The following ATG5 variants were observed in gnomAD, a reference collection of about 807,000 sequenced individuals.
ATG5 encodes autophagy protein 5.
Under a neutral mutation model 36.5 loss-of-function variants are expected in ATG5, and 14 were observed. The observed-to-expected ratio is 0.38, with a 90% CI of 0.25 to 0.60. The LOEUF (loss-of-function observed/expected upper bound fraction) is 0.60, where lower values mean the gene tolerates loss of function less well. Ranked by LOEUF, ATG5 falls within the 20% of genes least tolerant of loss-of-function variation. ATG5 has a pLI of 0.60. For synonymous variants in ATG5, 95 were observed against 101.5 expected (o/e 0.94, Z 0.38); for missense variants, 195 against 326.7 (o/e 0.60, Z 3.11).
At position 106,186,327 on chromosome 6, in the gene ATG5, G is replaced by A; in HGVS notation, c.*213C>T. 1.9e-6 allele frequency: 1 copy of A among 521,860 alleles called. No individual in the cohort carries two copies. The highest frequency in any genetic ancestry group is 3.4e-6 in the Non-Finnish European group (1 of 297,692). The allele number at this position is 521,860 out of a possible 1,614,324, so 32.3% of individuals were successfully genotyped here. ...GGTAAGTCTTTCATGTCACAGCTGA[G>A]GTTTAATGATGGCAGTGGAGGAAAG... is the stretch of plus-strand genomic sequence containing the variant. On this transcript the variant is annotated 3_prime_UTR_variant, in exon 8 of 8. Coordinates refer to ENST00000369076, the MANE Select transcript of ATG5 (RefSeq NM_004849.4).
At chr6:106,225,544 A>G (rs775489604) in intron 6 of ATG5, among the ~76,000 whole-genome samples, 5 of 152,158 alleles carry the variant, frequency 3.3e-5, no homozygotes, top group Non-Finnish European at 7.4e-5. Flanking sequence ...AAATCCATTT[A>G]TCCAAACTTG....
At chr6:106,287,632 T>G (rs1236195535) in intron 4 of ATG5, among the ~76,000 whole-genome samples, 3 of 152,228 alleles carry the variant, frequency 2.0e-5, no homozygotes, top group Non-Finnish European at 4.4e-5. Context: ...TTTATAGGAT[T>G]TGTTTACTCT....
At chr6:106,241,836 G>T (rs928700950) in intron 6 of ATG5, among the ~76,000 whole-genome samples, 15 of 152,098 alleles carry the variant, frequency 9.9e-5, no homozygotes, top group Non-Finnish European at 2.1e-4. Flanking sequence ...TGAGTCCAGG[G>T]TCTGATGAGG....
chr6:106,303,500 G>A (rs1217946563), intron 3 of ATG5, among the ~76,000 whole-genome samples: 2 of 152,010 alleles, frequency 1.3e-5, no homozygotes, highest in Non-Finnish European at 2.9e-5. Flanking sequence ...AGAATTGACA[G>A]CATTTTTACA....
At chr6:106,322,525 C>CA (rs1771124219) in intron 1 of ATG5, among the ~76,000 whole-genome samples, 1 of 152,176 alleles carries the variant, frequency 6.6e-6, no homozygotes, top group South Asian at 2.1e-4. Context: ...TCTCCTCCCT[C>CA]AAATGTTCAC....
At chr6:106,318,233 T>C (rs1770932750) in intron 1 of ATG5, among the ~76,000 whole-genome samples, 1 of 152,158 alleles carries the variant, frequency 6.6e-6, no homozygotes, top group South Asian at 2.1e-4. Flanking sequence ...CCACTTGACA[T>C]GTTTATTAAT....
chr6:106,234,475 C>T (rs969039556), intron 6 of ATG5, among the ~76,000 whole-genome samples: 1 of 152,192 alleles, frequency 6.6e-6, no homozygotes, highest in African/African-American at 2.4e-5. Context: ...CAAACCTCAC[C>T]TGTGTAAAAT....
At position 106,297,965 on chromosome 6, in the gene ATG5, A is replaced by ATT. The variant is rs34194209; in HGVS notation, c.237-4861_237-4860dup. 5.9e-3 allele frequency among the ~76,000 whole-genome samples: 792 copies of ATT among 134,624 alleles called. 4 individuals carry two copies. The highest frequency in any genetic ancestry group is 0.019 in the African/African-American group (680 of 36,626). 88.3% of individuals were successfully genotyped at this position (134,624 alleles called of 152,430 possible). On this transcript the variant is annotated intron_variant, in intron 3 of 7. Transcript: ENST00000369076. Reference sequence around the variant, plus strand: ...ACAGAGGGAGACCCTGTCAAAATCTATTTTTTTTTTTTTTTTTGAGACAGA... The same window carrying ATT: ...ACAGAGGGAGACCCTGTCAAAATCTATTTTTTTTTTTTTTTTTTTGAGACAGA...
At chr6:106,221,774 C>T (rs2114430089) in intron 6 of ATG5, among the ~76,000 whole-genome samples, 2 of 151,682 alleles carry the variant, frequency 1.3e-5, no homozygotes, top group Admixed American at 1.3e-4. Flanking sequence ...ACTTATATTC[C>T]CAAAGACATC....
At chr6:106,320,397 A>C (rs1461620723) in intron 1 of ATG5, among the ~76,000 whole-genome samples, 2 of 152,232 alleles carry the variant, frequency 1.3e-5, no homozygotes, top group African/African-American at 4.8e-5. Context: ...ATATTCTAAC[A>C]GGCCAAAATA....
At chr6:106,227,367 G>A (rs1329192463) in intron 6 of ATG5, among the ~76,000 whole-genome samples, 1 of 152,184 alleles carries the variant, frequency 6.6e-6, no homozygotes, top group Admixed American at 6.5e-5. Context: ...TGGCCAAGGT[G>A]GGAGGATCAC....
At chr6:106,221,435 C>A (rs987993127) in intron 6 of ATG5, among the ~76,000 whole-genome samples, 4 of 152,086 alleles carry the variant, frequency 2.6e-5, no homozygotes, top group African/African-American at 9.7e-5. Flanking sequence ...CCTGTAGTCC[C>A]AGCACTTTGG....
chr6:106,306,945 A>G (rs1770470473), intron 3 of ATG5, among the ~76,000 whole-genome samples: 1 of 152,222 alleles, frequency 6.6e-6, no homozygotes. Context: ...CATGATCATG[A>G]AGCTCAGTAT....
intron 1 of ATG5, among the ~76,000 whole-genome samples, chr6:106,323,260 CTTTTTT>C (rs71274321): frequency 3.1e-4 from 20 of 64,228 alleles, no homozygotes; most frequent in African/African-American, 1.1e-3. Context: ...TGGAAAAGTC[CTTTTTT>C]TTTTTTTTTT....
chr6:106,221,569 C>T (rs1777249302), intron 6 of ATG5, among the ~76,000 whole-genome samples: 1 of 151,548 alleles, frequency 6.6e-6, no homozygotes, highest in African/African-American at 2.4e-5. Context: ...GCCTGTAGTC[C>T]CAGCTACTAG....
chr6:106,279,791 T>A lies in ATG5; in HGVS notation c.348A>T (p.Pro116=). ...AATGAGCTTCAATTGCATCCTTAGA[T>A]GGACAGTGCAGAAGGTCTTTTTCTG... The part of the protein sequence containing the change: ...SFPEKDLLHC[P]SKDAIEAHFM... The change falls in exon 5 of 8, where the codon CCA becomes CCT. Residue 116 remains proline, a synonymous_variant. Transcript: ENST00000369076. The A allele has an allele frequency of 6.2e-7, 1 of 1,600,486 alleles. No homozygotes were observed.
chr6:106,264,079 G>A (rs1779132830), intron 5 of ATG5, among the ~76,000 whole-genome samples: 2 of 152,054 alleles, frequency 1.3e-5, no homozygotes, highest in South Asian at 4.1e-4. Context: ...CCCAATGCAA[G>A]GAAGCTAAGA....
At chr6:106,303,759 A>G (rs1770306110) in intron 3 of ATG5, among the ~76,000 whole-genome samples, 1 of 152,212 alleles carries the variant, frequency 6.6e-6, no homozygotes, top group Non-Finnish European at 1.5e-5. Flanking sequence ...AACATCAAAA[A>G]TCCATAAATG....
At chr6:106,277,828 A>G (rs916376301) in intron 5 of ATG5, among the ~76,000 whole-genome samples, 2 of 152,206 alleles carry the variant, frequency 1.3e-5, no homozygotes, top group Non-Finnish European at 2.9e-5. Flanking sequence ...AAACAAAACA[A>G]AACACCACAA....
Sources: allele counts gnomAD v4.1 joint callset (sites outside exome capture counted in the v4.1 genomes callset), GRCh38; gene constraint gnomAD v4.1.1; transcripts MANE v1.5; gene names NCBI Gene and HGNC (gene_info 2026-07-23, HGNC 2026-07-21).